The following TSPAN12 variants were observed in gnomAD, a reference collection of about 807,000 sequenced individuals.
TSPAN12 encodes tetraspanin 12.
Under a neutral mutation model 39.2 loss-of-function variants are expected in TSPAN12, and 19 were observed. That is an observed-to-expected ratio of 0.49 (90% CI 0.34 to 0.71). The LOEUF is 0.71. Among genes scored for constraint, TSPAN12 ranks in the 30% least tolerant of loss-of-function variants. TSPAN12 has a pLI of 0.01. For synonymous variants in TSPAN12, 119 were observed against 124.8 expected (o/e 0.95, Z 0.31); for missense variants, 314 against 359.9 (o/e 0.87, Z 1.03).
intron 4 of TSPAN12, among the ~76,000 whole-genome samples, chr7:120,832,743 A>T (rs1490947801): frequency 1.3e-5 from 2 of 152,144 alleles, no homozygotes; most frequent in African/African-American, 4.8e-5. Flanking sequence ...GCAAAAGGAA[A>T]GGAAAGAGGA....
chr7:120,833,803 G>C (rs1175993536), intron 4 of TSPAN12, among the ~76,000 whole-genome samples: 1 of 152,118 alleles, frequency 6.6e-6, no homozygotes, highest in African/African-American at 2.4e-5. Context: ...CCCTGAGCTG[G>C]CACTGCTTTC....
chr7:120,828,655 C>CT (rs752697203), intron 4 of TSPAN12, among the ~76,000 whole-genome samples: 7,588 of 125,470 alleles, frequency 0.06, 374 homozygotes, highest in East Asian at 0.24. Context: ...TTTCTTTCTC[C>CT]TTTTTTTTTT....
intron 2 of TSPAN12, among the ~76,000 whole-genome samples, chr7:120,840,878 T>A (rs964599182): frequency 6.6e-6 from 1 of 152,216 alleles, no homozygotes; most frequent in Non-Finnish European, 1.5e-5. Context: ...AAATAATGGA[T>A]CTCTAGAAAA....
intron 4 of TSPAN12, among the ~76,000 whole-genome samples, chr7:120,826,942 C>T (rs1476726545): frequency 2.0e-5 from 3 of 152,106 alleles, no homozygotes; most frequent in Admixed American, 2.0e-4. Context: ...AGGCTGGTCT[C>T]GAACTCTTGA....
chr7:120,799,513 T>TTTTTA (rs1793702788), intron 7 of TSPAN12, among the ~76,000 whole-genome samples: 1 of 121,472 alleles, frequency 8.2e-6, no homozygotes, highest in African/African-American at 3.3e-5. Flanking sequence ...TAATTAATTA[T>TTTTTA]ATATAATTAA....
intron 4 of TSPAN12, among the ~76,000 whole-genome samples, chr7:120,826,772 C>T (rs1030519457): frequency 1.6e-4 from 24 of 152,230 alleles, no homozygotes; most frequent in African/African-American, 5.5e-4. Flanking sequence ...ACCCAGGCTG[C>T]AGTGCTGTGG....
chr7:120,836,347 C>T (rs1263715489), intron 4 of TSPAN12, among the ~76,000 whole-genome samples: 1 of 151,922 alleles, frequency 6.6e-6, no homozygotes, highest in Non-Finnish European at 1.5e-5. Context: ...GGAGAGGCAC[C>T]CCAAAGGGAA....
At chr7:120,836,636 T>C (rs1445541421) in intron 4 of TSPAN12, among the ~76,000 whole-genome samples, 1 of 152,120 alleles carries the variant, frequency 6.6e-6, no homozygotes, top group African/African-American at 2.4e-5. Flanking sequence ...TAAAGACAGG[T>C]CTGATAGCAA....
chr7:120,811,601 C>T (rs1187369804), intron 5 of TSPAN12, among the ~76,000 whole-genome samples: 3 of 147,816 alleles, frequency 2.0e-5, no homozygotes, highest in South Asian at 2.1e-4. Flanking sequence ...ACCCGGAGGG[C>T]GAAGGTTGCA....
intron 4 of TSPAN12, among the ~76,000 whole-genome samples, chr7:120,836,059 C>T (rs1399835271): frequency 6.6e-6 from 1 of 152,140 alleles, no homozygotes; most frequent in Non-Finnish European, 1.5e-5. Context: ...CCTGTCTGAG[C>T]AGGAAGTTAG....
rs1372065954 is a variant in TSPAN12, at chr7:120,840,163, C to A, written c.67-54G>T. ...CCAAAGATTTACGTAACATTCACTG[C>A]AGGATTAATAATAGGAAAATTAAGG... On this transcript the variant is annotated intron_variant, in intron 2 of 7. Coordinates refer to ENST00000222747, the MANE Select transcript of TSPAN12 (RefSeq NM_012338.4). The A allele has an allele frequency of 8.6e-6, 11 of 1,274,144 alleles. No individual in the cohort carries two copies. The Admixed American group carries it at 1.0e-4, about 12-fold the overall frequency. The allele number at this position is 1,274,144 out of a possible 1,614,324, so 78.9% of individuals were successfully genotyped here.
Position 120,805,642 on chromosome 7 carries a change from T to C in TSPAN12, c.612+907A>G, listed in dbSNP as rs565947457. On this transcript the variant is annotated intron_variant, in intron 7 of 7. Transcript: ENST00000222747. ...TTCTATCTGATTCACATTTTACATT[T>C]CCATTCTAGATAAAGACTGCCTAAC... Among the ~76,000 whole-genome samples, 5 of 152,220 alleles carry C rather than the reference T, an allele frequency of 3.3e-5. 1 individual carries two copies. The South Asian group carries it at 1.0e-3, about 32-fold the overall frequency.
At chr7:120,840,147 T>C (rs1332146132) in intron 2 of TSPAN12, 38 bp from the exon 3 acceptor site, 2 of 1,431,624 alleles carry the variant, frequency 1.4e-6, no homozygotes. Flanking sequence ...ACCAAAGATT[T>C]ACGTAACATT....
At chr7:120,850,618 G>C (rs1360241854) in intron 2 of TSPAN12, among the ~76,000 whole-genome samples, 3 of 152,084 alleles carry the variant, frequency 2.0e-5, no homozygotes, top group African/African-American at 7.2e-5. Context: ...AGCATGCAGC[G>C]GCTCAAGTCT....
chr7:120,855,639 G>C (rs920078255), intron 2 of TSPAN12, among the ~76,000 whole-genome samples: 5 of 152,158 alleles, frequency 3.3e-5, no homozygotes, highest in Admixed American at 1.3e-4. Flanking sequence ...GTTGAGAAAA[G>C]GAATGCTGCC....
chr7:120,803,379 T>C (rs758817035), intron 7 of TSPAN12, among the ~76,000 whole-genome samples: 4 of 152,152 alleles, frequency 2.6e-5, no homozygotes, highest in Non-Finnish European at 5.9e-5. Context: ...TGTTCCTCAC[T>C]TATTTCTCCT....
At position 120,839,984 on chromosome 7, in the gene TSPAN12, A is replaced by C. The variant is rs1170775899; in HGVS notation, c.149+43T>G. On this transcript the variant is annotated intron_variant, in intron 3 of 7. Coordinates refer to ENST00000222747, the MANE Select transcript of TSPAN12 (RefSeq NM_012338.4). ...TAAATAGCTGAGGGCAAAGTTACTT[A>C]AAATCAGCAAGAAAGAATTCAATCA... The C allele has an allele frequency of 3.9e-6, 6 of 1,533,434 alleles. No homozygotes were observed. The East Asian group carries it at 1.3e-4, about 34-fold the overall frequency. 95.0% of individuals were successfully genotyped at this position (1,533,434 alleles called of 1,614,324 possible). A position where few individuals can be genotyped will look rare whatever the true frequency, so the allele number is the denominator to read the frequency against.
At chr7:120,842,038 AC>A (rs1794588157) in intron 2 of TSPAN12, among the ~76,000 whole-genome samples, 1 of 152,162 alleles carries the variant, frequency 6.6e-6, no homozygotes, top group African/African-American at 2.4e-5. Context: ...AATTCGACTT[AC>A]CCTGATTTTT....
chr7:120,847,658 C>T (rs1209048846), intron 2 of TSPAN12, among the ~76,000 whole-genome samples: 2 of 152,200 alleles, frequency 1.3e-5, no homozygotes, highest in East Asian at 1.9e-4. Context: ...TCTGGCAAGG[C>T]GTCGGGTGAA....
Sources: gnomAD v4.1 joint callset for allele counts (sites outside exome capture counted in the v4.1 genomes callset) on GRCh38, gnomAD v4.1.1 for gene constraint, MANE v1.5 for transcripts, NCBI Gene and HGNC (gene_info 2026-07-23, HGNC 2026-07-21) for gene names.